The following ASAP1 variants were observed in gnomAD, a reference collection of about 807,000 sequenced individuals.
ASAP1 encodes arf-GAP with SH3 domain, ANK repeat and PH domain-containing protein 1.
ASAP1 carries 43 observed loss-of-function variants against 145.2 expected under a neutral mutation model. That is an observed-to-expected ratio of 0.30 (90% confidence interval 0.23 to 0.38). The LOEUF is 0.38. Ranked by LOEUF, ASAP1 falls within the 10% of genes least tolerant of loss-of-function variation. The pLI, the probability that ASAP1 is intolerant of heterozygous loss-of-function variation, is 1.00. For missense variants in ASAP1, 1,018 were observed against 1,355.3 expected (o/e 0.75, Z 3.91); for synonymous variants, 546 against 515.5 (o/e 1.06, Z -0.80).
chr8:130,133,314 G>A (rs1189560207), intron 15 of ASAP1, among the ~76,000 whole-genome samples: 5 of 152,194 alleles, frequency 3.3e-5, no homozygotes. Context: ...TTTTAAAAAA[G>A]GGACTAGGGA....
rs148330176 is a variant in ASAP1 at position 130,224,085 on chromosome 8, T to C, written c.260-9384A>G. 2.0e-3 allele frequency among the ~76,000 whole-genome samples: 309 copies of C among 152,296 alleles called. 1 individual carries two copies. The highest frequency in any genetic ancestry group is 7.1e-3 in the African/African-American group (296 of 41,572). On this transcript the variant is annotated intron_variant, in intron 4 of 29. Coordinates refer to ENST00000518721, the MANE Select transcript of ASAP1 (RefSeq NM_018482.4). ...CCAAGGTGGGGGTCCCAGCTTTACA[T>C]ACTTTGTTATACGCCCAGTTCCCAG...
chr8:130,279,291 C>A (rs1565165605), intron 3 of ASAP1, among the ~76,000 whole-genome samples: 1 of 152,114 alleles, frequency 6.6e-6, no homozygotes, highest in Non-Finnish European at 1.5e-5. Flanking sequence ...ACACCCAGCA[C>A]TAGGGGTTCT....
intron 1 of ASAP1, among the ~76,000 whole-genome samples, chr8:130,426,700 T>G (rs1452940125): frequency 6.6e-6 from 1 of 152,224 alleles, no homozygotes; most frequent in Non-Finnish European, 1.5e-5. Flanking sequence ...CAAACTGCCG[T>G]GTGCTCACTC....
chr8:130,280,624 G>A (rs1565166857), intron 3 of ASAP1, among the ~76,000 whole-genome samples: 1 of 152,178 alleles, frequency 6.6e-6, no homozygotes, highest in Non-Finnish European at 1.5e-5. Context: ...AAAGGCAATA[G>A]AAAAGAGGGA....
chr8:130,099,012 C>CTT (rs61047760), intron 24 of ASAP1, among the ~76,000 whole-genome samples: 18,529 of 116,000 alleles, frequency 0.16, 2,438 homozygotes, highest in East Asian at 0.42. Flanking sequence ...CTAATATAAG[C>CTT]TTTTTTTTTT....
At chr8:130,140,735 T>C (rs559574553) in intron 13 of ASAP1, among the ~76,000 whole-genome samples, 52 of 152,206 alleles carry the variant, frequency 3.4e-4, no homozygotes, top group Non-Finnish European at 6.8e-4. Flanking sequence ...TGCCTAAACA[T>C]AGTGCTCTTC....
chr8:130,200,377 G>A (rs1419040089), intron 5 of ASAP1, among the ~76,000 whole-genome samples: 1 of 152,170 alleles, frequency 6.6e-6, no homozygotes, highest in Admixed American at 6.5e-5. Context: ...TAATGGGGGA[G>A]AGGATCCTTT....
chr8:130,309,327 A>T (rs1565194476), intron 3 of ASAP1, among the ~76,000 whole-genome samples: 1 of 152,248 alleles, frequency 6.6e-6, no homozygotes, highest in Non-Finnish European at 1.5e-5. Flanking sequence ...ATAAAACAAC[A>T]GAGGAGAAAA....
intron 11 of ASAP1, chr8:130,160,728 C>T (rs1471157164): frequency 3.3e-5 from 37 of 1,127,850 alleles, no homozygotes; most frequent in Non-Finnish European, 4.3e-5. Context: ...AGAACGAGAA[C>T]ATGGTCTTTA....
chr8:130,308,807 C>T (rs779768746), intron 3 of ASAP1, among the ~76,000 whole-genome samples: 5 of 151,932 alleles, frequency 3.3e-5, no homozygotes, highest in African/African-American at 7.3e-5. Flanking sequence ...TTTGGGAGGC[C>T]GAGGCAGGTG....
chr8:130,164,194 T>C (rs1225952811), intron 11 of ASAP1, among the ~76,000 whole-genome samples: 2 of 152,312 alleles, frequency 1.3e-5, no homozygotes, highest in African/African-American at 4.8e-5. Context: ...AACGATAATG[T>C]GATGGGGTTT....
At chr8:130,136,872 A>AAGCTGCTG (rs2097596020) in intron 14 of ASAP1, 79 bp downstream of exon 14, 1 of 1,233,462 alleles carries the variant, frequency 8.1e-7, no homozygotes, top group East Asian at 2.3e-5. Context: ...CTGCTTGGAA[A>AAGCTGCTG]AGCTGCTGAC....
At chr8:130,332,030 G>T (rs542620106) in intron 3 of ASAP1, among the ~76,000 whole-genome samples, 1 of 152,306 alleles carries the variant, frequency 6.6e-6, no homozygotes, top group East Asian at 1.9e-4. Flanking sequence ...ACAGAGAAGA[G>T]AAGTTATCAC....
intron 7 of ASAP1, among the ~76,000 whole-genome samples, chr8:130,183,497 C>T (rs750766486): frequency 4.6e-5 from 7 of 151,980 alleles, no homozygotes; most frequent in African/African-American, 7.3e-5. Flanking sequence ...CCCGCCACCA[C>T]GCCCAGCTAA....
chr8:130,353,580 A>C (rs1056895353), intron 3 of ASAP1, among the ~76,000 whole-genome samples: 1 of 152,222 alleles, frequency 6.6e-6, no homozygotes, highest in African/African-American at 2.4e-5. Flanking sequence ...TAAGATTTCT[A>C]AACTCTGGGC....
At chr8:130,187,163 T>G (rs1284512705) in intron 7 of ASAP1, 73 bp downstream of exon 7, 11 of 1,332,408 alleles carry the variant, frequency 8.3e-6, no homozygotes, top group Non-Finnish European at 1.1e-5. Flanking sequence ...CCAGTTAAGT[T>G]TTTTTTTTTG....
At chr8:130,407,313 A>G (rs1300165718) in intron 1 of ASAP1, among the ~76,000 whole-genome samples, 1 of 152,202 alleles carries the variant, frequency 6.6e-6, no homozygotes, top group Non-Finnish European at 1.5e-5. Flanking sequence ...CCGAAGGGAA[A>G]GGAATCTGGG....
intron 1 of ASAP1, among the ~76,000 whole-genome samples, chr8:130,405,576 C>A (rs1051316342): frequency 6.6e-6 from 1 of 152,174 alleles, no homozygotes; most frequent in African/African-American, 2.4e-5. Context: ...CCCTTGTCAG[C>A]GAGCCTCTTT....
chr8:130,107,181 T>C (rs529199124), intron 24 of ASAP1, among the ~76,000 whole-genome samples: 2 of 28,668 alleles, frequency 7.0e-5, no homozygotes, highest in African/African-American at 2.4e-4. Context: ...TCTCTTCTTC[T>C]TCTTTTTTTT....
Sources: allele counts gnomAD v4.1 joint callset (sites outside exome capture counted in the v4.1 genomes callset), GRCh38; gene constraint gnomAD v4.1.1; transcripts MANE v1.5; gene names NCBI Gene and HGNC (gene_info 2026-07-23, HGNC 2026-07-21).